RAB31: variants seen among roughly 807,000 people sequenced by gnomAD.
The protein encoded by RAB31 is ras-related protein Rab-31.
Under a neutral mutation model 25.6 loss-of-function variants are expected in RAB31, and 21 were observed. That is an observed-to-expected ratio of 0.82 (90% CI 0.58 to 1.18). RAB31 has a LOEUF of 1.18. RAB31 is among the 50% of genes most tolerant of loss of function. The pLI is 0.00. For synonymous variants in RAB31, 87 were observed against 84.0 expected (o/e 1.04, Z -0.20); for missense variants, 196 against 250.1 (o/e 0.78, Z 1.46).
At chr18:9,711,170 TTCTC>T (rs111627591) in intron 1 of RAB31, among the ~76,000 whole-genome samples, 2 of 150,534 alleles carry the variant, frequency 1.3e-5, no homozygotes, top group Non-Finnish European at 1.5e-5. Context: ...GTTTACTCTC[TTCTC>T]TCTCTCTCTC....
intron 1 of RAB31, among the ~76,000 whole-genome samples, chr18:9,749,878 A>G (rs1297434570): frequency 6.6e-6 from 1 of 152,188 alleles, no homozygotes; most frequent in African/African-American, 2.4e-5. Context: ...CTGAGGCTTT[A>G]TGGGTTGCCC....
intron 1 of RAB31, among the ~76,000 whole-genome samples, chr18:9,742,099 G>T (rs1302147346): frequency 1.3e-5 from 2 of 152,226 alleles, no homozygotes; most frequent in Non-Finnish European, 2.9e-5. Context: ...AGACCACCCG[G>T]CAAAGCACTG....
chr18:9,821,846 T>C (rs2068625961), intron 5 of RAB31, among the ~76,000 whole-genome samples: 1 of 152,194 alleles, frequency 6.6e-6, no homozygotes, highest in Non-Finnish European at 1.5e-5. Flanking sequence ...ATTATGTTTA[T>C]GAATTGAAAG....
chr18:9,815,001 A>T, intron 4 of RAB31, 115 bp from the exon 5 acceptor site: 1 of 708,646 alleles, frequency 1.4e-6, no homozygotes, highest in Non-Finnish European at 2.3e-6. Flanking sequence ...GTTAATCTGC[A>T]TGAGTCTCCT....
chr18:9,824,699 C>T (rs546319325), intron 5 of RAB31, among the ~76,000 whole-genome samples: 2 of 152,202 alleles, frequency 1.3e-5, no homozygotes, highest in Non-Finnish European at 2.9e-5. Context: ...TAAAGGTCCG[C>T]CCCACTCCCA....
At chr18:9,798,720 T>C (rs2068498917) in intron 3 of RAB31, among the ~76,000 whole-genome samples, 1 of 151,392 alleles carries the variant, frequency 6.6e-6, no homozygotes, top group African/African-American at 2.4e-5. Context: ...CCAGGCCTGG[T>C]CAATCCTCCT....
At chr18:9,722,127 G>C (rs1252392487) in intron 1 of RAB31, among the ~76,000 whole-genome samples, 1 of 152,072 alleles carries the variant, frequency 6.6e-6, no homozygotes, top group Non-Finnish European at 1.5e-5. Context: ...GGAGGTTTGG[G>C]GCTGGATCAG....
chr18:9,791,720 A>G (rs550618066), intron 2 of RAB31, among the ~76,000 whole-genome samples: 9 of 152,150 alleles, frequency 5.9e-5, no homozygotes, highest in African/African-American at 2.2e-4. Flanking sequence ...TAGCCTCCCA[A>G]GTAGCTGGGA....
intron 1 of RAB31, among the ~76,000 whole-genome samples, chr18:9,763,508 A>G (rs1457098968): frequency 6.6e-6 from 1 of 151,902 alleles, no homozygotes; most frequent in African/African-American, 2.4e-5. Context: ...ATGAATAAAT[A>G]GGGTTATCAT....
intron 1 of RAB31, among the ~76,000 whole-genome samples, chr18:9,738,981 C>T (rs903754895): frequency 6.6e-6 from 1 of 152,180 alleles, no homozygotes; most frequent in Non-Finnish European, 1.5e-5. Context: ...GGGAAAACCT[C>T]CTGTACATTT....
intron 5 of RAB31, among the ~76,000 whole-genome samples, chr18:9,836,276 A>G (rs916077491): frequency 3.9e-5 from 6 of 152,088 alleles, no homozygotes; most frequent in Admixed American, 1.3e-4. Flanking sequence ...AGAATATAAT[A>G]TACTTAGTTT....
intron 6 of RAB31, 72 bp downstream of exon 6, chr18:9,845,763 T>G (rs186178066): frequency 1.4e-6 from 2 of 1,462,960 alleles, no homozygotes; most frequent in Non-Finnish European, 1.8e-6. Context: ...GATAACATTT[T>G]AGAACTCTGA....
intron 1 of RAB31, among the ~76,000 whole-genome samples, chr18:9,773,328 A>G (rs1185935851): frequency 6.6e-6 from 1 of 152,196 alleles, no homozygotes; most frequent in Non-Finnish European, 1.5e-5. Context: ...TCAACATTTC[A>G]TCCTTGATCT....
At chr18:9,778,958 A>G (rs1056661364) in intron 2 of RAB31, among the ~76,000 whole-genome samples, 1 of 152,236 alleles carries the variant, frequency 6.6e-6, no homozygotes, top group African/African-American at 2.4e-5. Context: ...AAGCGAAAAT[A>G]TATTTACTAT....
At chr18:9,808,290 G>A (rs2068552392) in intron 3 of RAB31, among the ~76,000 whole-genome samples, 7 of 152,120 alleles carry the variant, frequency 4.6e-5, no homozygotes, top group Admixed American at 4.6e-4. Flanking sequence ...TAATAGAAAG[G>A]TTTTTTGAAT....
intron 1 of RAB31, among the ~76,000 whole-genome samples, chr18:9,770,305 G>C (rs1028907078): frequency 6.6e-6 from 1 of 152,148 alleles, no homozygotes; most frequent in African/African-American, 2.4e-5. Context: ...TTCTTAATCT[G>C]GAGGGATAGG....
intron 1 of RAB31, among the ~76,000 whole-genome samples, chr18:9,713,895 T>C (rs1371184806): frequency 6.6e-6 from 1 of 152,162 alleles, no homozygotes; most frequent in Admixed American, 6.5e-5. Context: ...TCTCTTTCTC[T>C]TCTTATAAGG....
At chr18:9,818,150 G>A (rs180710865) in intron 5 of RAB31, among the ~76,000 whole-genome samples, 7 of 152,294 alleles carry the variant, frequency 4.6e-5, no homozygotes, top group African/African-American at 1.4e-4. Flanking sequence ...ACTCTGATTA[G>A]GTCAGTGAGA....
At chr18:9,747,785 C>T (rs773412951) in intron 1 of RAB31, among the ~76,000 whole-genome samples, 1 of 152,170 alleles carries the variant, frequency 6.6e-6, no homozygotes, top group Non-Finnish European at 1.5e-5. Flanking sequence ...ATAAGGGTGG[C>T]GGTTGCCACC....
Sources: allele counts gnomAD v4.1 joint callset (sites outside exome capture counted in the v4.1 genomes callset), GRCh38; gene constraint gnomAD v4.1.1; transcripts MANE v1.5; gene names NCBI Gene and HGNC (gene_info 2026-07-23, HGNC 2026-07-21).